HMGB1: variants seen among roughly 807,000 people sequenced by gnomAD.
The protein encoded by HMGB1 is high mobility group protein B1.
For synonymous variants in HMGB1, 81 were observed against 84.0 expected (o/e 0.96, Z 0.19); for missense variants, 79 against 253.5 (o/e 0.31, Z 4.67).
At chr13:30,537,187 T>C (rs1407180225) in intron 1 of HMGB1, among the ~76,000 whole-genome samples, 1 of 152,220 alleles carries the variant, frequency 6.6e-6, no homozygotes, top group Non-Finnish European at 1.5e-5. Context: ...TAGTTCCCAG[T>C]AATACTTTTA....
intron 1 of HMGB1, among the ~76,000 whole-genome samples, chr13:30,556,164 G>T (rs2137518892): frequency 6.6e-6 from 1 of 152,328 alleles, no homozygotes; most frequent in East Asian, 1.9e-4. Context: ...CAACACTTTG[G>T]GAGGCCAAGA....
upstream of HMGB1, among the ~76,000 whole-genome samples, chr13:30,467,543 T>C (rs1226322103): frequency 6.6e-6 from 1 of 152,240 alleles, no homozygotes; most frequent in African/African-American, 2.4e-5. Context: ...AGGATATAAA[T>C]TGGTATACTG....
intron 1 of HMGB1, among the ~76,000 whole-genome samples, chr13:30,567,560 C>T (rs1240944868): frequency 2.0e-5 from 3 of 152,018 alleles, no homozygotes; most frequent in Admixed American, 6.6e-5. Context: ...CCATGTTGGC[C>T]GGGCTAGTCT....
chr13:30,473,272 A>C (rs1192671889), intron 1 of HMGB1, among the ~76,000 whole-genome samples: 1 of 152,208 alleles, frequency 6.6e-6, no homozygotes, highest in Non-Finnish European at 1.5e-5. Context: ...TATGGCACAG[A>C]AAATTGTACC....
intron 1 of HMGB1, among the ~76,000 whole-genome samples, chr13:30,609,719 TG>T (rs1950496087): frequency 6.6e-6 from 1 of 152,232 alleles, no homozygotes; most frequent in Admixed American, 6.5e-5. Flanking sequence ...GTATCCAACA[TG>T]TAGTCTTTTA....
chr13:30,612,614 T>C (rs1950522854), intron 1 of HMGB1, among the ~76,000 whole-genome samples: 1 of 152,236 alleles, frequency 6.6e-6, no homozygotes. Flanking sequence ...CTAAATTAAA[T>C]GATGGCATGA....
rs201309294 is a variant in HMGB1, at chr13:30,475,133, TCTCTC to T, written c.-14-11444_-14-11440del. ...TTGGCTCACTGTCTCTCTCTCTCTCTCTCTCTTTTTTTTTTTTTTTTTTTTTGAGA... is the reference window on the plus strand; with the variant it reads ...TTGGCTCACTGTCTCTCTCTCTCTCTTTTTTTTTTTTTTTTTTTTTTGAGA... On this transcript the variant is annotated intron_variant, in intron 1 of 4. Transcript: ENST00000405805. 1.0e-3 allele frequency among the ~76,000 whole-genome samples: 69 copies of T among 67,348 alleles called. 1 individual carries two copies. Among genetic ancestry groups the T allele is most frequent in the African/African-American group, 2.1e-3 (42 of 20,458 alleles). The allele number at this position is 67,348 out of a possible 152,430, so 44.2% of individuals were successfully genotyped here. A position where few individuals can be genotyped will look rare whatever the true frequency, so the allele number is the denominator to read the frequency against.
chr13:30,547,063 C>A (rs1253022156), intron 1 of HMGB1, among the ~76,000 whole-genome samples: 1 of 152,236 alleles, frequency 6.6e-6, no homozygotes, highest in Non-Finnish European at 1.5e-5. Context: ...GTGGCCCATG[C>A]CAAGCCTGAA....
At chr13:30,554,143 A>G in intron 1 of HMGB1, 2 of 1,278,884 alleles carry the variant, frequency 1.6e-6, no homozygotes, top group Non-Finnish European at 2.3e-6. Context: ...CAGTACATCT[A>G]CTACGATTAG....
chr13:30,567,352 T>C (rs1870228839), intron 1 of HMGB1, among the ~76,000 whole-genome samples: 2 of 151,502 alleles, frequency 1.3e-5, no homozygotes, highest in Non-Finnish European at 2.9e-5. Context: ...AATTTTTTTT[T>C]TTTTTTTTTT....
At chr13:30,519,538 A>AT (rs1888187785) in intron 1 of HMGB1, among the ~76,000 whole-genome samples, 1 of 56,882 alleles carries the variant, frequency 1.8e-5, no homozygotes, top group Non-Finnish European at 4.6e-5. Flanking sequence ...TACTAAAAAT[A>AT]CAAAAAAAAA....
chr13:30,492,250 G>A (rs1205595149), intron 1 of HMGB1, among the ~76,000 whole-genome samples: 1 of 152,032 alleles, frequency 6.6e-6, no homozygotes, highest in Non-Finnish European at 1.5e-5. Context: ...AGCAGTTTGG[G>A]AGGCCGAGGT....
intron 1 of HMGB1, among the ~76,000 whole-genome samples, chr13:30,497,033 C>T (rs1367962616): frequency 6.6e-6 from 1 of 152,130 alleles, no homozygotes; most frequent in African/African-American, 2.4e-5. Flanking sequence ...TCTTTCTCCC[C>T]TTCAATTATA....
intron 1 of HMGB1, among the ~76,000 whole-genome samples, chr13:30,608,868 C>T (rs887618761): frequency 6.6e-6 from 1 of 152,204 alleles, no homozygotes; most frequent in Non-Finnish European, 1.5e-5. Context: ...TACTTATCAA[C>T]CTCTAAACTA....
At chr13:30,502,262 C>T (rs565531958) in intron 1 of HMGB1, among the ~76,000 whole-genome samples, 122 of 152,258 alleles carry the variant, frequency 8.0e-4, no homozygotes, top group African/African-American at 2.8e-3. Flanking sequence ...GCCTCTGCTA[C>T]GTGTAGGCAC....
At chr13:30,616,253 C>T (rs1950560868) in intron 1 of HMGB1, among the ~76,000 whole-genome samples, 1 of 152,172 alleles carries the variant, frequency 6.6e-6, no homozygotes, top group South Asian at 2.1e-4. Flanking sequence ...AACTCAAGCC[C>T]CGCCTCCATT....
intron 1 of HMGB1, among the ~76,000 whole-genome samples, chr13:30,567,581 A>G (rs956364618): frequency 6.6e-6 from 1 of 151,892 alleles, no homozygotes; most frequent in African/African-American, 2.4e-5. Flanking sequence ...TAAACTCCTG[A>G]CCTCGTGATC....
intron 1 of HMGB1, among the ~76,000 whole-genome samples, chr13:30,531,846 G>A (rs1566016808): frequency 6.7e-6 from 1 of 150,070 alleles, no homozygotes; most frequent in East Asian, 2.0e-4. Context: ...GCAGTGAGCC[G>A]AGATCTCACC....
In HMGB1 at chr13:30,553,124, G is replaced by T. The variant is rs545980579; in HGVS notation, c.-15+63547C>A. Among the ~76,000 whole-genome samples, 32 of 152,272 alleles carry T rather than the reference G, an allele frequency of 2.1e-4. No individual in the cohort carries two copies. The South Asian group carries it at 2.5e-3, about 12-fold the overall frequency. ...CCAATTCTGAGATGCATGTTAAAAG[G>T]TTCCTCAGAAGCTCCCACAGGATCA... On this transcript the variant is annotated intron_variant, in intron 1 of 4. Coordinates refer to the HMGB1 transcript ENST00000405805.
Sources: allele counts gnomAD v4.1 joint callset (sites outside exome capture counted in the v4.1 genomes callset), GRCh38; gene constraint gnomAD v4.1.1; transcripts MANE v1.5; gene names NCBI Gene and HGNC (gene_info 2026-07-23, HGNC 2026-07-21).